The following RAG1 variants were observed in gnomAD, a reference collection of about 807,000 sequenced individuals.
The protein encoded by RAG1 is V(D)J recombination-activating protein 1.
In RAG1, 35 loss-of-function variants were observed where a neutral mutation model predicts 62.7. The ratio of observed to expected loss-of-function variants is 0.56; its 90% confidence interval spans 0.43 to 0.74. The LOEUF is 0.74. RAG1 is among the 30% of genes least tolerant of loss of function. The pLI is 0.00. For synonymous variants in RAG1, 461 were observed against 470.3 expected (o/e 0.98, Z 0.26); for missense variants, 1,169 against 1,278.6 (o/e 0.91, Z 1.31).
chr11:36,534,269 G>T (rs535426117), intron 2 of RAG1, among the ~76,000 whole-genome samples: 1 of 152,136 alleles, frequency 6.6e-6, no homozygotes, highest in Non-Finnish European at 1.5e-5. Context: ...TGATACAGCA[G>T]GAACAGGCAA....
chr11:36,522,253 C>T (rs919565493), intron 2 of RAG1, among the ~76,000 whole-genome samples: 2 of 152,180 alleles, frequency 1.3e-5, no homozygotes, highest in Non-Finnish European at 2.9e-5. Context: ...GTTTTGTGGT[C>T]CCGGCCCAGG....
At position 36,575,611 on chromosome 11, in the gene RAG1, T is replaced by C; in HGVS notation, c.2307T>C (p.His769=). Residue 769 remains histidine, a synonymous_variant, in exon 2 of 2, where the codon CAT becomes CAC. Transcript: ENST00000299440. This position sits in a 1 kb window ranked among gnomAD's most constrained non-coding sequence, Gnocchi z 4.1. The part of the protein sequence containing the change: ...RYEVWRSNPY[H]ESVEELRDRV... The stretch of plus-strand genomic sequence containing the variant: ...AGGTCTGGCGTTCCAACCCTTACCA[T>C]GAGTCTGTGGAAGAACTGCGGGATC... 3 of 1,614,142 alleles carry C rather than the reference T, an allele frequency of 1.9e-6. No individual in the cohort carries two copies. Among genetic ancestry groups the C allele is most frequent in the African/African-American group, 1.3e-5 (1 of 75,042 alleles).
intron 1 of RAG1, among the ~76,000 whole-genome samples, chr11:36,568,946 G>A (rs1441270316): frequency 3.9e-5 from 6 of 152,172 alleles, no homozygotes; most frequent in Admixed American, 2.6e-4. Flanking sequence ...AAAAACAGAC[G>A]ATAGTATTTG....
At chr11:36,543,376 C>T (rs1032745662) in intron 3 of RAG1, among the ~76,000 whole-genome samples, 2 of 152,248 alleles carry the variant, frequency 1.3e-5, no homozygotes, top group African/African-American at 4.8e-5. Context: ...CTGTACCCCA[C>T]ACGGCTTTAC....
intron 1 of RAG1, among the ~76,000 whole-genome samples, chr11:36,517,744 C>T (rs1161125148): frequency 2.0e-5 from 3 of 152,154 alleles, no homozygotes; most frequent in Admixed American, 2.0e-4. Flanking sequence ...CACTTTCATC[C>T]CAATTCCTGC....
At chr11:36,542,873 C>T (rs1392264930) in intron 3 of RAG1, among the ~76,000 whole-genome samples, 1 of 152,048 alleles carries the variant, frequency 6.6e-6, no homozygotes, top group Non-Finnish European at 1.5e-5. Context: ...TAGAAAAAAA[C>T]CTTATATATA....
Position 36,574,448 on chromosome 11 carries a change from T to C in RAG1, c.1144T>C (p.Ser382Pro). The change falls in exon 2 of 2, where the codon TCA becomes CCA. Residue 382 changes from serine (S) to proline (P), a missense_variant. Around this residue, in one of 2 missense-constraint regions of RAG1, gnomAD observed 800 missense variants for 943.3 expected, o/e 0.85. Transcript: ENST00000299440. Reference sequence around the variant, plus strand: ...TCACCACATCTCAAGTCACAAGGAATCAAAAGAGATTTTTGTGCACATTAA... The same window carrying C: ...TCACCACATCTCAAGTCACAAGGAACCAAAAGAGATTTTTGTGCACATTAA... ...YNHHISSHKE[S>P]KEIFVHINKG... The C allele has an allele frequency of 6.2e-7, 1 of 1,614,168 alleles. No homozygotes were observed. The highest frequency in any genetic ancestry group is 8.5e-7 in the Non-Finnish European group (1 of 1,180,026).
chr11:36,576,340 A>G lies in RAG1; in HGVS notation c.3036A>G (p.Leu1012=). 1 of 1,614,206 alleles carries G rather than the reference A, an allele frequency of 6.2e-7. No homozygotes were observed. Among genetic ancestry groups the G allele is most frequent in the Middle Eastern group, 1.6e-4 (1 of 6,062 alleles). Residue 1012 remains leucine, a synonymous_variant, in exon 2 of 2, where the codon TTA becomes TTG. Coordinates refer to ENST00000299440, the MANE Select transcript of RAG1 (RefSeq NM_000448.3). ...AGTTTATGAATGCTCATAATGCATT[A>G]AAAACCTCTGGGTTTACCATGAACC... ...LQKFMNAHNA[L]KTSGFTMNPQ...
At chr11:36,545,365 A>G (rs761619946) in intron 3 of RAG1, among the ~76,000 whole-genome samples, 1 of 152,156 alleles carries the variant, frequency 6.6e-6, no homozygotes, top group Non-Finnish European at 1.5e-5. Flanking sequence ...CTTGAATTCA[A>G]TGTGACTGGT....
In RAG1 at chr11:36,576,049, T is replaced by C. The variant is rs946410947; in HGVS notation, c.2745T>C (p.Asn915=). ...CPESLCQYSF[N]SQRFAELLST... is the part of the protein sequence containing the mutation. ...AATCCCTCTGCCAGTACAGTTTCAA[T>C]TCACAGCGTTTTGCTGAGCTCCTTT... Residue 915 remains asparagine, a synonymous_variant, in exon 2 of 2, where the codon AAT becomes AAC. Transcript: ENST00000299440. 2 of 1,614,110 alleles carry C rather than the reference T, an allele frequency of 1.2e-6. No individual in the cohort carries two copies. Among genetic ancestry groups the C allele is most frequent in the Non-Finnish European group, 8.5e-7 (1 of 1,180,026 alleles).
In RAG1 at chr11:36,575,008, T is replaced by A; in HGVS notation, c.1704T>A (p.Ser568=). ...KRFRYDSALV[S]ALMDMEEDIL... ...TCCGCTATGATTCAGCTTTGGTGTCTGCTTTGATGGACATGGAAGAAGACA... is the reference window on the plus strand; with the variant it reads ...TCCGCTATGATTCAGCTTTGGTGTCAGCTTTGATGGACATGGAAGAAGACA... The change falls in exon 2 of 2, where the codon TCT becomes TCA. Residue 568 remains serine (S), a synonymous_variant. Transcript: ENST00000299440. The surrounding 1 kb of genome is among the most constrained non-coding windows in gnomAD (Gnocchi z 4.1). The A allele has an allele frequency of 6.2e-7, 1 of 1,614,150 alleles. No homozygotes were observed. Among genetic ancestry groups the A allele is most frequent in the Non-Finnish European group, 8.5e-7 (1 of 1,180,032 alleles).
At chr11:36,544,109 T>C (rs991529946) in intron 3 of RAG1, among the ~76,000 whole-genome samples, 1 of 152,140 alleles carries the variant, frequency 6.6e-6, no homozygotes, top group African/African-American at 2.4e-5. Context: ...TTAGGGTAGG[T>C]ACAATTGGCT....
rs901852177 is a variant in RAG1, at chr11:36,573,660, G to T, written c.356G>T (p.Arg119Ile). Residue 119 changes from arginine (R) to isoleucine (I), a missense_variant, in exon 2 of 2, where the codon AGA becomes ATA. Arg to Ile is a moderately conservative substitution (Grantham distance 97, BLOSUM62 -3). Transcript: ENST00000299440. ...HLCRICGNSF[R>I]ADEHNRRYPV... is the part of the protein sequence containing the mutation. The stretch of plus-strand genomic sequence containing the variant: ...TGCCGCATCTGTGGGAATTCTTTTA[G>T]AGCTGATGAGCACAACAGGAGATAT... The T allele has an allele frequency of 1.2e-6, 2 of 1,614,044 alleles. No homozygotes were observed. The highest frequency in any genetic ancestry group is 1.7e-5 in the Admixed American group (1 of 60,002).
intron 3 of RAG1, among the ~76,000 whole-genome samples, chr11:36,548,223 G>A (rs1447434182): frequency 1.3e-5 from 2 of 152,142 alleles, no homozygotes; most frequent in Non-Finnish European, 2.9e-5. Context: ...ACAAGACAAG[G>A]ATGCCCTCCC....
rs774103837 is a variant in RAG1 at position 36,575,284 on chromosome 11, TATG to T, written c.1981_1983del (p.Met661del). ...AACTGTGTTGCAAGCCATTGTGCCTTATGCTGGCAGATGAGTCTGACCACGAGA... is the reference window on the plus strand; with the variant it reads ...AACTGTGTTGCAAGCCATTGTGCCTTCTGGCAGATGAGTCTGACCACGAGA... On this transcript the variant is annotated inframe_deletion, in exon 2 of 2. Transcript: ENST00000299440. The surrounding 1 kb of genome is among the most constrained non-coding windows in gnomAD (Gnocchi z 4.1). 4 of 1,614,222 alleles carry T rather than the reference TATG, an allele frequency of 2.5e-6. No homozygotes were observed. The Admixed American group carries it at 6.7e-5, about 27-fold the overall frequency.
chr11:36,538,449 C>A (rs1860365069), downstream of RAG1, among the ~76,000 whole-genome samples: 1 of 152,150 alleles, frequency 6.6e-6, no homozygotes, highest in Non-Finnish European at 1.5e-5. Flanking sequence ...TGTTCTTGCT[C>A]TATTCGATAG....
chr11:36,575,873 G>T lies in RAG1; in HGVS notation c.2569G>T (p.Ala857Ser), dbSNP rs376140107. Residue 857 changes from alanine to serine, a missense_variant, in exon 2 of 2, where the codon GCC becomes TCC. Physicochemically the swap from Ala to Ser is moderately conservative, Grantham distance 99. Coordinates refer to ENST00000299440, the MANE Select transcript of RAG1 (RefSeq NM_000448.3). This position sits in a 1 kb window ranked among gnomAD's most constrained non-coding sequence, Gnocchi z 4.1. The part of the protein sequence containing the change: ...KPIMRMNGNF[A>S]RKLMTKETVD... The stretch of plus-strand genomic sequence containing the variant: ...AATCATGAGGATGAATGGCAACTTT[G>T]CCAGGAAGCTCATGACCAAAGAGAC... 2.5e-6 allele frequency: 4 copies of T among 1,614,168 alleles called. No homozygotes were observed. The highest frequency in any genetic ancestry group is 1.1e-5 in the South Asian group (1 of 91,088).
intron 1 of RAG1, among the ~76,000 whole-genome samples, chr11:36,515,793 G>C (rs1859987722): frequency 1.3e-5 from 2 of 152,180 alleles, no homozygotes; most frequent in African/African-American, 4.8e-5. Context: ...AGCAGAGTCT[G>C]AGCCACCAGG....
In RAG1 at chr11:36,577,117, G is replaced by T. The variant is rs1426486259; in HGVS notation, c.*681G>T. ...ATCTATTGTAACCTTCAGAGTTTAG[G>T]AGGTCATCTGCTGTCATGGATTTTT... On this transcript the variant is annotated 3_prime_UTR_variant, in exon 2 of 2. Transcript: ENST00000299440. 1 of 167,054 alleles carries T rather than the reference G, an allele frequency of 6.0e-6. No homozygotes were observed. The highest frequency in any genetic ancestry group is 1.5e-5 in the Non-Finnish European group (1 of 68,200). The allele number at this position is 167,054 out of a possible 1,614,324, so 10.3% of individuals were successfully genotyped here. A position where few individuals can be genotyped will look rare whatever the true frequency, so the allele number is the denominator to read the frequency against.
Sources: gnomAD v4.1 joint callset for allele counts (sites outside exome capture counted in the v4.1 genomes callset) on GRCh38, gnomAD v4.1.1 for gene constraint, gnomAD v4.1.1 regional missense constraint, Gnocchi (gnomAD v3.1) non-coding constraint, MANE v1.5 for transcripts, NCBI Gene and HGNC (gene_info 2026-07-23, HGNC 2026-07-21) for gene names.